Variants in NPAS3 observed in about 807,000 individuals in gnomAD.
The protein encoded by NPAS3 is neuronal PAS domain-containing protein 3.
Under a neutral mutation model 73.1 loss-of-function variants are expected in NPAS3, and 14 were observed. The ratio of observed to expected loss-of-function variants is 0.19; its 90% CI spans 0.13 to 0.30. NPAS3 has a LOEUF of 0.30. Among genes scored for constraint, NPAS3 ranks in the 10% least tolerant of loss-of-function variants. The pLI, the probability that NPAS3 is intolerant of heterozygous loss-of-function variation, is 1.00. For synonymous variants in NPAS3, 620 were observed against 541.5 expected (o/e 1.14, Z -2.01); for missense variants, 1,096 against 1,250.0 (o/e 0.88, Z 1.86).
intron 1 of NPAS3, among the ~76,000 whole-genome samples, chr14:32,989,347 G>A (rs904172249): frequency 1.3e-5 from 2 of 152,180 alleles, no homozygotes; most frequent in African/African-American, 2.4e-5. Context: ...ATTTTGAGAA[G>A]TTATTAAAAG....
intron 9 of NPAS3, among the ~76,000 whole-genome samples, chr14:33,790,822 C>G (rs562663573): frequency 1.3e-5 from 2 of 152,172 alleles, no homozygotes; most frequent in Admixed American, 1.3e-4. Flanking sequence ...GTGCACACCA[C>G]CACACCTGGC....
At chr14:33,517,207 C>T (rs1330221931) in intron 4 of NPAS3, among the ~76,000 whole-genome samples, 1 of 152,060 alleles carries the variant, frequency 6.6e-6, no homozygotes, top group Non-Finnish European at 1.5e-5. Context: ...TTGTAGTTCG[C>T]TTATCTTAGT....
chr14:33,502,973 A>G (rs2052589268), intron 4 of NPAS3, among the ~76,000 whole-genome samples: 1 of 151,466 alleles, frequency 6.6e-6, no homozygotes, highest in African/African-American at 2.4e-5. Flanking sequence ...TCACACAGCA[A>G]CTATACCATC....
chr14:33,360,317 C>T (rs189286536), intron 3 of NPAS3, among the ~76,000 whole-genome samples: 2,173 of 150,774 alleles, frequency 0.014, 24 homozygotes, highest in Non-Finnish European at 0.022. Context: ...TTATAACTGT[C>T]TCACTCCCCA....
intron 6 of NPAS3, among the ~76,000 whole-genome samples, chr14:33,699,671 C>A (rs1191183714): frequency 6.6e-6 from 1 of 152,148 alleles, no homozygotes; most frequent in African/African-American, 2.4e-5. Context: ...TGGGATTTTT[C>A]TCCAAGGTTT....
chr14:33,157,058 AAAG>A (rs1012738611), intron 2 of NPAS3, among the ~76,000 whole-genome samples: 1 of 152,186 alleles, frequency 6.6e-6, no homozygotes, highest in Admixed American at 6.5e-5. Context: ...GTGAATTTAG[AAAG>A]GGGAAAAAGA....
rs1322053511 is a variant in NPAS3, at chr14:33,786,158, C to G, written c.1153+7586C>G. On this transcript the variant is annotated intron_variant, in intron 9 of 11. Coordinates refer to ENST00000356141, the Ensembl canonical transcript of NPAS3. Reference sequence around the variant, plus strand: ...GGAGGAGGCCATCAAACATAAAACCCAAAATCAGACTTTTGTTATCCAGAA... The same window carrying G: ...GGAGGAGGCCATCAAACATAAAACCGAAAATCAGACTTTTGTTATCCAGAA... Among the ~76,000 whole-genome samples, 3 of 152,108 alleles carry G rather than the reference C, an allele frequency of 2.0e-5. No individual in the cohort carries two copies. In the South Asian group the frequency reaches 6.2e-4, roughly 32 times the overall value.
intron 3 of NPAS3, among the ~76,000 whole-genome samples, chr14:33,260,750 C>T (rs1471925493): frequency 6.6e-6 from 1 of 152,168 alleles, no homozygotes; most frequent in Non-Finnish European, 1.5e-5. Flanking sequence ...TTTAACCTCT[C>T]TCTTCTGTCC....
At chr14:33,593,611 T>A (rs563056276) in intron 5 of NPAS3, among the ~76,000 whole-genome samples, 1 of 152,318 alleles carries the variant, frequency 6.6e-6, no homozygotes, top group African/African-American at 2.4e-5. Context: ...GTCCTCACCT[T>A]TTCTCCAGCC....
intron 2 of NPAS3, among the ~76,000 whole-genome samples, chr14:33,103,777 C>T (rs1457316978): frequency 4.6e-5 from 7 of 151,968 alleles, no homozygotes; most frequent in African/African-American, 1.2e-4. Flanking sequence ...TGACTTTGTC[C>T]GGAGATTGTG....
intron 3 of NPAS3, among the ~76,000 whole-genome samples, chr14:33,296,201 C>T (rs1260276974): frequency 6.6e-6 from 1 of 152,092 alleles, no homozygotes; most frequent in Non-Finnish European, 1.5e-5. Context: ...AAAGAATATT[C>T]CTGGAAAGTT....
chr14:33,291,733 A>G (rs369300997), intron 3 of NPAS3, among the ~76,000 whole-genome samples: 1 of 152,248 alleles, frequency 6.6e-6, no homozygotes, highest in African/African-American at 2.4e-5. Flanking sequence ...AAATTTCACA[A>G]TCATGTCAAC....
At chr14:33,645,590 G>T (rs2058806827) in intron 5 of NPAS3, among the ~76,000 whole-genome samples, 1 of 152,152 alleles carries the variant, frequency 6.6e-6, no homozygotes, top group African/African-American at 2.4e-5. Context: ...CTGAAGCCCT[G>T]TACCCTCCAA....
intron 4 of NPAS3, among the ~76,000 whole-genome samples, chr14:33,389,973 A>G (rs978436723): frequency 1.3e-5 from 2 of 152,156 alleles, no homozygotes; most frequent in African/African-American, 4.8e-5. Flanking sequence ...TCATATGGTC[A>G]TCTGTCAGCC....
At chr14:33,296,663 T>C (rs766659325) in intron 3 of NPAS3, among the ~76,000 whole-genome samples, 21 of 152,300 alleles carry the variant, frequency 1.4e-4, no homozygotes, top group East Asian at 7.7e-4. Context: ...GCATAGAAAT[T>C]TGGTGTCCTA....
At chr14:33,689,295 A>T (rs1595444793) in intron 6 of NPAS3, among the ~76,000 whole-genome samples, 1 of 152,254 alleles carries the variant, frequency 6.6e-6, no homozygotes, top group East Asian at 1.9e-4. Flanking sequence ...CAAATGAATT[A>T]ATATATTAAC....
At chr14:33,236,724 G>A (rs777572119) in intron 3 of NPAS3, among the ~76,000 whole-genome samples, 76 of 152,044 alleles carry the variant, frequency 5.0e-4, no homozygotes, top group Non-Finnish European at 9.1e-4. Flanking sequence ...ATTTTAGTCT[G>A]TGACATGGCA....
intron 3 of NPAS3, among the ~76,000 whole-genome samples, chr14:33,358,707 C>T (rs1287253552): frequency 6.6e-6 from 1 of 152,132 alleles, no homozygotes; most frequent in African/African-American, 2.4e-5. Flanking sequence ...TAGGAGATGC[C>T]TTTTCAATTT....
intron 1 of NPAS3, among the ~76,000 whole-genome samples, chr14:33,025,197 G>A (rs2039758037): frequency 6.6e-6 from 1 of 152,186 alleles, no homozygotes; most frequent in African/African-American, 2.4e-5. Context: ...ACGGTTTTGA[G>A]CAAGCTTTTG....
Sources: allele counts gnomAD v4.1 joint callset (sites outside exome capture counted in the v4.1 genomes callset), GRCh38; gene constraint gnomAD v4.1.1; transcripts MANE v1.5; gene names NCBI Gene and HGNC (gene_info 2026-07-23, HGNC 2026-07-21).